Variants in NPSR1 observed in about 807,000 individuals in gnomAD.
NPSR1 encodes the protein neuropeptide S receptor.
In NPSR1, 48 loss-of-function variants were observed where a neutral mutation model predicts 46.9. That is an observed-to-expected ratio of 1.02 (90% confidence interval 0.81 to 1.30). The LOEUF is 1.30. Ranked by LOEUF, NPSR1 falls within the 50% of genes most tolerant of loss-of-function variation. The pLI, the probability that NPSR1 is intolerant of heterozygous loss-of-function variation, is 0.00. For synonymous variants in NPSR1, 176 were observed against 168.1 expected, an observed-to-expected ratio of 1.05 and a Z score of -0.36; for missense variants, 450 against 449.5, an observed-to-expected ratio of 1.00 and a Z score of -0.01.
At chr7:34,677,506 G>C (rs1229855017) in intron 1 of NPSR1, among the ~76,000 whole-genome samples, 3 of 152,290 alleles carry the variant, frequency 2.0e-5, no homozygotes, top group South Asian at 2.1e-4. Flanking sequence ...TCATCCAAAA[G>C]GCTATCAGAA....
intron 2 of NPSR1, among the ~76,000 whole-genome samples, chr7:34,769,208 T>C (rs533935915): frequency 2.6e-5 from 4 of 152,294 alleles, no homozygotes; most frequent in Middle Eastern, 3.4e-3. Context: ...GCTTATTAAT[T>C]ATGCCTCTTT....
intron 1 of NPSR1, among the ~76,000 whole-genome samples, chr7:34,673,532 A>G (rs747133145): frequency 2.0e-5 from 3 of 152,138 alleles, no homozygotes; most frequent in East Asian, 1.9e-4. Context: ...ACTTGGAACA[A>G]TCGTGGTCCA....
chr7:34,847,076 A>G (rs1404028987), intron 7 of NPSR1, among the ~76,000 whole-genome samples: 1 of 152,162 alleles, frequency 6.6e-6, no homozygotes, highest in African/African-American at 2.4e-5. Flanking sequence ...AGGATCCAGA[A>G]CACTTAGTGG....
intron 8 of NPSR1, among the ~76,000 whole-genome samples, chr7:34,869,222 T>C (rs1042325472): frequency 1.3e-5 from 2 of 151,650 alleles, no homozygotes; most frequent in Admixed American, 1.3e-4. Context: ...GAAAGTGTCC[T>C]GCATAACCAA....
At chr7:34,851,193 T>C (rs1348109764), downstream of NPSR1, among the ~76,000 whole-genome samples, 7 of 152,136 alleles carry the variant, frequency 4.6e-5, no homozygotes, top group African/African-American at 1.7e-4. Flanking sequence ...ATCTTTTTTT[T>C]TTTTTTTGGC....
chr7:34,773,183 G>T (rs1331574226), intron 2 of NPSR1, among the ~76,000 whole-genome samples: 1 of 152,178 alleles, frequency 6.6e-6, no homozygotes, highest in African/African-American at 2.4e-5. Flanking sequence ...ACACCATGAA[G>T]TGGGCTCTGA....
chr7:34,842,767 G>A (rs1181539742), intron 6 of NPSR1, among the ~76,000 whole-genome samples: 2 of 152,202 alleles, frequency 1.3e-5, no homozygotes, highest in Non-Finnish European at 2.9e-5. Flanking sequence ...CCTCTGCAAT[G>A]AGTAAATGTT....
intron 5 of NPSR1, 41 bp downstream of exon 5, chr7:34,827,643 C>CGGGGGGGGGGGGA: frequency 2.5e-6 from 1 of 405,056 alleles, no homozygotes; most frequent in Non-Finnish European, 4.9e-6. Context: ...GGGGGTGGGG[C>CGGGGGGGGGGGGA]GGGGGGGGCT....
intron 1 of NPSR1, among the ~76,000 whole-genome samples, chr7:34,672,633 A>G (rs1792116841): frequency 6.6e-6 from 1 of 152,230 alleles, no homozygotes; most frequent in South Asian, 2.1e-4. Flanking sequence ...TAATGCAGTT[A>G]TTCAACATGT....
chr7:34,715,209 C>A lies in NPSR1; in HGVS notation c.280+30525C>A, dbSNP rs991897762. On this transcript the variant is annotated intron_variant, in intron 2 of 8. Transcript: ENST00000360581. ...TTGAAAGGCGGAGCAAGAAAAGTTA[C>A]CTAGTTTAGAAAAATCAGGAAACTC... Among the ~76,000 whole-genome samples, 8 of 152,306 alleles carry A rather than the reference C, an allele frequency of 5.3e-5. No individual in the cohort carries two copies. In the East Asian group the frequency reaches 1.4e-3, roughly 26 times the overall value.
At chr7:34,851,547 A>G (rs1790935419), downstream of NPSR1, among the ~76,000 whole-genome samples, 1 of 152,132 alleles carries the variant, frequency 6.6e-6, no homozygotes, top group African/African-American at 2.4e-5. Flanking sequence ...GCTTTTCAAC[A>G]TTTCACTTTA....
chr7:34,868,731 CCT>C (rs1281900940), intron 8 of NPSR1, among the ~76,000 whole-genome samples: 28 of 151,748 alleles, frequency 1.8e-4, no homozygotes, highest in Admixed American at 1.4e-3. Context: ...GTGTTTGCCC[CCT>C]GAGTCGGTTT....
At chr7:34,780,035 T>A (rs190478630) in intron 3 of NPSR1, among the ~76,000 whole-genome samples, 27 of 152,284 alleles carry the variant, frequency 1.8e-4, no homozygotes, top group Admixed American at 7.8e-4. Context: ...CACATGGGCC[T>A]CTCTATAGGT....
chr7:34,726,451 C>G (rs561616188), intron 2 of NPSR1, among the ~76,000 whole-genome samples: 201 of 152,286 alleles, frequency 1.3e-3, no homozygotes, highest in African/African-American at 4.1e-3. Flanking sequence ...GACAGTTTGA[C>G]AGTTTCTCAC....
At chr7:34,772,530 T>A (rs1786733964) in intron 2 of NPSR1, among the ~76,000 whole-genome samples, 1 of 152,190 alleles carries the variant, frequency 6.6e-6, no homozygotes, top group Non-Finnish European at 1.5e-5. Flanking sequence ...AATTCTGAGC[T>A]GGATAATTTA....
chr7:34,728,952 A>G (rs1562683936), intron 2 of NPSR1: 2 of 152,468 alleles, frequency 1.3e-5, no homozygotes, highest in Non-Finnish European at 2.9e-5. Flanking sequence ...TCCAGCTCCC[A>G]AGAGAAGAAT....
intron 2 of NPSR1, among the ~76,000 whole-genome samples, chr7:34,743,170 A>G (rs1050624630): frequency 1.3e-5 from 2 of 152,238 alleles, no homozygotes; most frequent in Admixed American, 6.5e-5. Context: ...CCACTTGTCA[A>G]TTGTTGATTT....
chr7:34,818,960 A>C (rs1404977501), intron 4 of NPSR1, among the ~76,000 whole-genome samples: 1 of 152,234 alleles, frequency 6.6e-6, no homozygotes, highest in Non-Finnish European at 1.5e-5. Flanking sequence ...TAAAACCATA[A>C]AAACCCTAGA....
chr7:34,719,944 G>T (rs1783766406), intron 2 of NPSR1: 1 of 151,638 alleles, frequency 6.6e-6, no homozygotes, highest in South Asian at 2.1e-4. Context: ...AAGCCAAGGA[G>T]CCCTCCATGC....
Sources: allele counts gnomAD v4.1 joint callset (sites outside exome capture counted in the v4.1 genomes callset), GRCh38; gene constraint gnomAD v4.1.1; transcripts MANE v1.5; gene names NCBI Gene and HGNC (gene_info 2026-07-23, HGNC 2026-07-21).